Variants in MAP4K3 observed in about 807,000 individuals in gnomAD.
MAP4K3 encodes MAPK/ERK kinase kinase kinase 3.
MAP4K3 carries 94 observed loss-of-function variants against 143.5 expected under a neutral mutation model. The observed-to-expected ratio is 0.65, with a 90% CI of 0.55 to 0.78. The LOEUF is 0.78. Ranked by LOEUF, MAP4K3 falls within the 30% of genes least tolerant of loss-of-function variation. MAP4K3 has a pLI of 0.00. For missense variants in MAP4K3, 1,077 were observed against 1,068.1 expected, an observed-to-expected ratio of 1.01 and a Z score of -0.12; for synonymous variants, 416 against 347.2, an observed-to-expected ratio of 1.20 and a Z score of -2.20.
In MAP4K3 at chr2:39,305,628, C is replaced by T. The variant is rs79790082; in HGVS notation, c.1119+2315G>A. 6.3e-3 allele frequency among the ~76,000 whole-genome samples: 958 copies of T among 152,172 alleles called. 4 individuals are homozygous for T. The highest frequency in any genetic ancestry group is 0.022 in the African/African-American group (917 of 41,492). On this transcript the variant is annotated intron_variant, in intron 15 of 33. Coordinates refer to ENST00000263881, the MANE Select transcript of MAP4K3 (RefSeq NM_003618.4). The stretch of plus-strand genomic sequence containing the variant: ...ATATTTCATTCATCCCTCTTCTGCC[C>T]GAACTAACCTAATAGTCCCTAAATC...
intron 2 of MAP4K3, among the ~76,000 whole-genome samples, chr2:39,373,217 C>T (rs1000649562): frequency 1.3e-5 from 2 of 152,066 alleles, no homozygotes; most frequent in African/African-American, 4.8e-5. Context: ...CAGAGAAATG[C>T]AAATCAAAAC....
chr2:39,303,441 G>C (rs1467619249), intron 15 of MAP4K3, among the ~76,000 whole-genome samples: 2 of 152,150 alleles, frequency 1.3e-5, no homozygotes, highest in Non-Finnish European at 2.9e-5. Flanking sequence ...GCTCGGAAAT[G>C]AATATTGGCA....
intron 19 of MAP4K3, 76 bp downstream of exon 19, chr2:39,290,216 G>A: frequency 9.2e-7 from 1 of 1,089,702 alleles, no homozygotes; most frequent in Non-Finnish European, 1.3e-6. Context: ...TGAAAAGCTA[G>A]AAAAACTCTC....
chr2:39,385,048 T>C (rs902789814), intron 1 of MAP4K3, among the ~76,000 whole-genome samples: 1 of 152,228 alleles, frequency 6.6e-6, no homozygotes, highest in Non-Finnish European at 1.5e-5. Context: ...TATCATTAGT[T>C]TATTCCTTTT....
chr2:39,253,559 C>T (rs1680231930), intron 32 of MAP4K3, among the ~76,000 whole-genome samples: 1 of 152,190 alleles, frequency 6.6e-6, no homozygotes, highest in African/African-American at 2.4e-5. Flanking sequence ...AGTTAGGTGA[C>T]ATGCCAAGGT....
chr2:39,386,820 C>CTTTTTGTTTTTTTTTTTTTTTTTTT (rs1666517757), intron 1 of MAP4K3, among the ~76,000 whole-genome samples: 1 of 139,152 alleles, frequency 7.2e-6, no homozygotes, highest in African/African-American at 2.8e-5. Context: ...TTTTGTTGTT[C>CTTTTTGTTTTTTTTTTTTTTTTTTT]TTTTTTTTTT....
At chr2:39,358,190 A>G (rs1364258240) in intron 2 of MAP4K3, among the ~76,000 whole-genome samples, 1 of 152,218 alleles carries the variant, frequency 6.6e-6, no homozygotes, top group Non-Finnish European at 1.5e-5. Context: ...GATAACTATA[A>G]GCATCATAAC....
At chr2:39,260,816 T>G in intron 28 of MAP4K3, 39 bp from the exon 29 acceptor site, 1 of 1,394,074 alleles carries the variant, frequency 7.2e-7, no homozygotes, top group Non-Finnish European at 1.0e-6. Context: ...CCAAGGAAAA[T>G]AAAAACCGAA....
intron 26 of MAP4K3, among the ~76,000 whole-genome samples, chr2:39,268,909 A>G (rs1206914654): frequency 6.6e-6 from 1 of 151,882 alleles, no homozygotes; most frequent in Non-Finnish European, 1.5e-5. Context: ...ACAAACATCT[A>G]AACTCTTTTT....
intron 21 of MAP4K3, among the ~76,000 whole-genome samples, chr2:39,284,044 T>C (rs1681657620): frequency 1.3e-5 from 2 of 152,246 alleles, no homozygotes; most frequent in African/African-American, 4.8e-5. Flanking sequence ...CATCTTATTA[T>C]TGCCAATAAT....
chr2:39,347,259 T>G (rs1665319206), intron 3 of MAP4K3, among the ~76,000 whole-genome samples: 1 of 152,202 alleles, frequency 6.6e-6, no homozygotes, highest in Non-Finnish European at 1.5e-5. Context: ...ATAATTCATA[T>G]AAAACAAAAG....
intron 3 of MAP4K3, among the ~76,000 whole-genome samples, chr2:39,355,127 G>A (rs1254411986): frequency 6.6e-6 from 1 of 152,154 alleles, no homozygotes; most frequent in Non-Finnish European, 1.5e-5. Flanking sequence ...CACTATGGGA[G>A]GCTGAGGCAG....
At chr2:39,400,097 A>G (rs1403550981) in intron 1 of MAP4K3, among the ~76,000 whole-genome samples, 1 of 152,128 alleles carries the variant, frequency 6.6e-6, no homozygotes, top group Non-Finnish European at 1.5e-5. Context: ...ACCCTGCTAT[A>G]CTTTAGGTGT....
intron 13 of MAP4K3, 117 bp from the exon 14 acceptor site, chr2:39,309,636 C>T: frequency 3.6e-6 from 2 of 561,006 alleles, no homozygotes; most frequent in African/African-American, 2.1e-5. Flanking sequence ...CAGCTCACTG[C>T]AATCTCCACC....
At chr2:39,436,656 G>A in intron 1 of MAP4K3, 1 of 549,678 alleles carries the variant, frequency 1.8e-6, no homozygotes, top group Non-Finnish European at 3.2e-6. Context: ...AAGAAGGGAG[G>A]TGGCAAAAAT....
intron 6 of MAP4K3, among the ~76,000 whole-genome samples, chr2:39,336,084 T>C (rs1361885584): frequency 1.3e-5 from 2 of 152,150 alleles, no homozygotes; most frequent in Non-Finnish European, 2.9e-5. Context: ...TTTAGAAATA[T>C]GCTAAGGATT....
intron 12 of MAP4K3, among the ~76,000 whole-genome samples, chr2:39,321,647 A>G (rs1268954655): frequency 1.3e-5 from 2 of 152,208 alleles, no homozygotes; most frequent in Admixed American, 1.3e-4. Flanking sequence ...GACAAGAGGA[A>G]GGCATCTGTC....
chr2:39,297,621 G>A (rs573082313), intron 16 of MAP4K3, among the ~76,000 whole-genome samples: 3 of 152,234 alleles, frequency 2.0e-5, no homozygotes, highest in East Asian at 1.9e-4. Flanking sequence ...GTAGAAACCC[G>A]TCAATGGAAA....
At chr2:39,368,570 T>A (rs1665989233) in intron 2 of MAP4K3, among the ~76,000 whole-genome samples, 1 of 151,814 alleles carries the variant, frequency 6.6e-6, no homozygotes, top group African/African-American at 2.4e-5. Flanking sequence ...GTAGTGAGGC[T>A]GAGGCAGGAG....
Sources: allele counts gnomAD v4.1 joint callset (sites outside exome capture counted in the v4.1 genomes callset), GRCh38; gene constraint gnomAD v4.1.1; transcripts MANE v1.5; gene names NCBI Gene and HGNC (gene_info 2026-07-23, HGNC 2026-07-21).